The following POLD4 variants were observed in gnomAD, a reference collection of about 807,000 sequenced individuals.
The protein encoded by POLD4 is DNA polymerase delta subunit 4.
POLD4 carries 9 observed loss-of-function variants against 16.5 expected under a neutral mutation model. That is an observed-to-expected ratio of 0.55 (90% CI 0.33 to 0.95). The LOEUF is 0.95. POLD4 is among the 40% of genes least tolerant of loss of function. The probability of loss-of-function intolerance (pLI) is 0.03; values close to 1 mark genes in which losing one functional copy is unlikely to be tolerated. For synonymous variants in POLD4, 62 were observed against 57.6 expected (o/e 1.08, Z -0.35); for missense variants, 129 against 139.7 (o/e 0.92, Z 0.39).
At chr11:67,352,964 C>T in intron 2 of POLD4, 24 bp downstream of exon 2, 1 of 1,528,560 alleles carries the variant, frequency 6.5e-7, no homozygotes. Flanking sequence ...AGAGGCGCCT[C>T]CGTGGGGCTG....
intron 3 of POLD4, 145 bp from the exon 4 acceptor site, chr11:67,352,164 A>T: frequency 1.5e-6 from 1 of 657,306 alleles, no homozygotes; most frequent in Non-Finnish European, 2.7e-6. Context: ...AGTTCTAAAT[A>T]GATAGTTCCT....
intron 3 of POLD4, chr11:67,352,292 C>T (rs1371004505): frequency 2.9e-5 from 12 of 408,944 alleles, no homozygotes; most frequent in Non-Finnish European, 4.9e-5. Flanking sequence ...GGTGGGATCA[C>T]GAGGTCAGGA....
At position 67,353,453 on chromosome 11, in the gene POLD4, C is replaced by G; in HGVS notation, c.-54G>C. On this transcript the variant is annotated 5_prime_UTR_variant, in exon 1 of 4. Coordinates refer to ENST00000312419, the MANE Select transcript of POLD4 (RefSeq NM_021173.5). ...GGCAACTGCGGGGAAGAGGAGAGACCGGCCAGTGGGCGCGAGAAAGACAGC... is the reference window on the plus strand; with the variant it reads ...GGCAACTGCGGGGAAGAGGAGAGACGGGCCAGTGGGCGCGAGAAAGACAGC... The G allele has an allele frequency of 6.7e-7, 1 of 1,496,422 alleles. No individual in the cohort carries two copies. The highest frequency in any genetic ancestry group is 9.1e-7 in the Non-Finnish European group (1 of 1,092,994). 92.7% of individuals were successfully genotyped at this position (1,496,422 alleles called of 1,614,324 possible).
At chr11:67,353,562 C>T (rs1861927381), upstream of POLD4, 8 of 610,380 alleles carry the variant, frequency 1.3e-5, no homozygotes, top group Middle Eastern at 4.0e-4. Context: ...CGCCGGGGTC[C>T]AGGGAGGGAC....
rs1022183863 is a variant in POLD4 at position 67,350,840 on chromosome 11, G to A, written c.*1155C>T. ...GTCACCCAGGCTGGAGTGCAGTGAT[G>A]CGGTCTCAGCTCACTGCCAGCTCTG... On this transcript the variant is annotated 3_prime_UTR_variant, in exon 4 of 4. Transcript: ENST00000312419. 2 of 150,764 alleles carry A rather than the reference G, an allele frequency of 1.3e-5. No individual in the cohort carries two copies. The highest frequency in any genetic ancestry group is 4.9e-5 in the African/African-American group (2 of 40,850). 9.3% of individuals were successfully genotyped at this position (150,764 alleles called of 1,614,324 possible).
chr11:67,352,072 A>G, intron 3 of POLD4, 53 bp from the exon 4 acceptor site: 1 of 1,378,232 alleles, frequency 7.3e-7, no homozygotes, highest in Non-Finnish European at 1.0e-6. Context: ...AGAGAGAGAA[A>G]CAGAGAATCA....
chr11:67,353,203 C>G (rs1242677321), intron 1 of POLD4, 100 bp downstream of exon 1: 2 of 1,522,956 alleles, frequency 1.3e-6, no homozygotes, highest in Non-Finnish European at 1.8e-6. Context: ...GAGGGGAGGA[C>G]AGGCCACCTT....
Position 67,353,015 on chromosome 11 carries a change from G to T in POLD4, c.160C>A (p.Leu54Met). Residue 54 changes from leucine (L) to methionine (M), a missense_variant, in exon 2 of 4, where the codon CTG (leucine) becomes ATG (methionine). Coordinates refer to ENST00000312419, the MANE Select transcript of POLD4 (RefSeq NM_021173.5). ...GTGCAGGGCCCGTACTGCCAGGCCA[G>T]GTCAAACTGCCTCAGCAGCTCCAGC... ...AELELLRQFD[L>M]AWQYGPCTGI... 1.3e-6 allele frequency: 2 copies of T among 1,586,870 alleles called. No individual in the cohort carries two copies. Among genetic ancestry groups the T allele is most frequent in the Non-Finnish European group, 8.6e-7 (1 of 1,166,338 alleles).
In POLD4 at chr11:67,353,321, C is replaced by T. The variant is rs200868910; in HGVS notation, c.79G>A (p.Glu27Lys). The T allele has an allele frequency of 2.2e-4, 351 of 1,612,208 alleles. 1 individual carries two copies. The highest frequency in any genetic ancestry group is 2.2e-4 in the South Asian group (20 of 91,058). ...REGPAGHSKG[E>K]LAPELGEEPQ... is the part of the protein sequence containing the mutation. ...CAGAGACCTAGCTCGGGTGCCAGCT[C>T]CCCCTTGCTGTGCCCAGCGGGCCCC... is the stretch of plus-strand genomic sequence containing the variant. The change falls in exon 1 of 4, where the codon GAG becomes AAG. Residue 27 changes from glutamate (E) to lysine (K), a missense_variant. By Grantham distance (56) the Glu-to-Lys change is moderately conservative. Coordinates refer to ENST00000312419, the MANE Select transcript of POLD4 (RefSeq NM_021173.5).
rs1590906858 is a variant in POLD4, at chr11:67,353,496, G to A, written c.-97C>T. Reference sequence around the variant, plus strand: ...AAGACAGCTGCTGAGAGAGACAGACGGGGCCAGGCCAGCGGCGGGCAGACA... The same window carrying A: ...AAGACAGCTGCTGAGAGAGACAGACAGGGCCAGGCCAGCGGCGGGCAGACA... On this transcript the variant is annotated 5_prime_UTR_variant, in exon 1 of 4. Coordinates refer to ENST00000312419, the MANE Select transcript of POLD4 (RefSeq NM_021173.5). 1.9e-6 allele frequency: 2 copies of A among 1,071,918 alleles called. No homozygotes were observed. Among genetic ancestry groups the A allele is most frequent in the Non-Finnish European group, 2.7e-6 (2 of 737,734 alleles). The allele number at this position is 1,071,918 out of a possible 1,614,324, so 66.4% of individuals were successfully genotyped here.
chr11:67,352,682 G>C lies in POLD4; in HGVS notation c.299+9C>G. The C allele has an allele frequency of 6.2e-7, 1 of 1,609,282 alleles. No individual in the cohort carries two copies. The highest frequency in any genetic ancestry group is 8.5e-7 in the Non-Finnish European group (1 of 1,177,296). On this transcript the variant is annotated intron_variant, in intron 3 of 3. Coordinates refer to ENST00000312419, the MANE Select transcript of POLD4 (RefSeq NM_021173.5). ...GCTCCCCTGAAAGCCCTCCCGGCCT[G>C]TCTCTGACCTGCACTGGAAGCGGGG...
At chr11:67,353,552 C>T, upstream of POLD4, 4 of 640,246 alleles carry the variant, frequency 6.2e-6, no homozygotes, top group Non-Finnish European at 1.1e-5. Context: ...GAGAGGAAGT[C>T]GCCGGGGTCC....
At chr11:67,353,563 A>C (rs1861927436), upstream of POLD4, 4 of 610,718 alleles carry the variant, frequency 6.5e-6, no homozygotes, top group East Asian at 1.2e-4. Flanking sequence ...GCCGGGGTCC[A>C]GGGAGGGACG....
intron 1 of POLD4, 106 bp downstream of exon 1, chr11:67,353,197 G>A (rs1861914228): frequency 2.6e-6 from 4 of 1,515,732 alleles, no homozygotes; most frequent in South Asian, 1.2e-5. Context: ...TGTCGGGAGG[G>A]GAGGACAGGC....
chr11:67,352,399 A>G, intron 3 of POLD4: 2 of 362,472 alleles, frequency 5.5e-6, no homozygotes, highest in South Asian at 3.9e-5. Context: ...AGTCCCAGCT[A>G]CTTGGGAGGC....
Position 67,353,414 on chromosome 11 carries a change from C to T in POLD4, c.-15G>A. ...TTCCGGCCCATGGCGGCCACCCAGG[C>T]AGGCAGAGAAGGAGGCAACTGCGGG... is the stretch of plus-strand genomic sequence containing the variant. On this transcript the variant is annotated 5_prime_UTR_variant, in exon 1 of 4. Coordinates refer to ENST00000312419, the MANE Select transcript of POLD4 (RefSeq NM_021173.5). 6.2e-7 allele frequency: 1 copy of T among 1,607,254 alleles called. No homozygotes were observed.
intron 1 of POLD4, 44 bp downstream of exon 1, chr11:67,353,258 GC>G: frequency 6.3e-7 from 1 of 1,589,660 alleles, no homozygotes; most frequent in Non-Finnish European, 8.6e-7. Flanking sequence ...CCTCCTCTAG[GC>G]CCCTCCGTGT....
chr11:67,352,509 C>CA lies in POLD4; in HGVS notation c.299+181dup, dbSNP rs1176039978. 1.1e-3 allele frequency: 571 copies of CA among 539,620 alleles called. 1 individual carries two copies. Among genetic ancestry groups the CA allele is most frequent in the Middle Eastern group, 2.5e-3 (5 of 2,034 alleles). 33.4% of individuals were successfully genotyped at this position (539,620 alleles called of 1,614,324 possible). A position where few individuals can be genotyped will look rare whatever the true frequency, so the allele number is the denominator to read the frequency against. ...TGGGCAACAGAGCAAGACTCTGTCT[C>CA]AAAAAAAAAGAATTATTATAGTGGC... On this transcript the variant is annotated intron_variant, in intron 3 of 3. Coordinates refer to ENST00000312419, the MANE Select transcript of POLD4 (RefSeq NM_021173.5).
rs1371195101 is a variant in POLD4, at chr11:67,353,081, C to A, written c.98-4G>T. ...TCGCGGGGCTGGGGCTCCTCCCCTGCAATGACAGCTGCTCTTCAGTACGAG... is the reference window on the plus strand; with the variant it reads ...TCGCGGGGCTGGGGCTCCTCCCCTGAAATGACAGCTGCTCTTCAGTACGAG... On this transcript the variant is annotated splice_polypyrimidine_tract_variant and splice_region_variant and intron_variant, in intron 1 of 3. Transcript: ENST00000312419. 6.3e-7 allele frequency: 1 copy of A among 1,580,094 alleles called. No individual in the cohort carries two copies.
Sources: gnomAD v4.1 joint callset for allele counts on GRCh38, gnomAD v4.1.1 for gene constraint, MANE v1.5 for transcripts, NCBI Gene and HGNC (gene_info 2026-07-23, HGNC 2026-07-21) for gene names.